PTPRB: variants seen among roughly 807,000 people sequenced by gnomAD.
PTPRB encodes the protein protein tyrosine phosphatase receptor type B, also known as receptor-type tyrosine-protein phosphatase beta.
In PTPRB, 97 loss-of-function variants were observed where a neutral mutation model predicts 238.1. The observed-to-expected ratio is 0.41, with a 90% CI of 0.35 to 0.48. PTPRB has a LOEUF of 0.48. Ranked by LOEUF, PTPRB falls within the 20% of genes least tolerant of loss-of-function variation. The pLI is 0.30. For synonymous variants in PTPRB, 970 were observed against 995.4 expected (o/e 0.97, Z 0.48); for missense variants, 2,292 against 2,681.9 (o/e 0.85, Z 3.21).
rs781443364 is a variant in PTPRB at position 70,636,055 on chromosome 12, T to G, written c.67A>C (p.Ile23Leu). The G allele has an allele frequency of 2.1e-5, 34 of 1,609,130 alleles. No homozygotes were observed. The highest frequency in any genetic ancestry group is 1.1e-5 in the Non-Finnish European group (13 of 1,177,148). The change falls in exon 2 of 34, where the codon ATT becomes CTT. Residue 23 changes from isoleucine to leucine, a missense_variant. Transcript: ENST00000334414. Reference protein sequence around the residue: ...LIFRNSEGFQIVHVQKQQCLF... With the variant: ...LIFRNSEGFQLVHVQKQQCLF... The stretch of plus-strand genomic sequence containing the variant: ...CACTGTTGTTTCTGGACATGGACAA[T>G]CTGAAACCCTTCTGGAAGATGAAAA...
intron 3 of PTPRB, among the ~76,000 whole-genome samples, chr12:70,613,348 G>A (rs1189106178): frequency 2.0e-5 from 3 of 151,868 alleles, no homozygotes; most frequent in East Asian, 1.9e-4. Context: ...TTCATTCAGC[G>A]AACACTGACT....
intron 2 of PTPRB, among the ~76,000 whole-genome samples, chr12:70,625,534 A>G (rs1211049353): frequency 2.6e-5 from 4 of 150,946 alleles, no homozygotes; most frequent in African/African-American, 9.8e-5. Context: ...CATTATAGAA[A>G]TATATAAGAT....
chr12:70,538,278 GT>G, intron 27 of PTPRB, 47 bp from the exon 28 acceptor site: 1 of 1,517,252 alleles, frequency 6.6e-7, no homozygotes, highest in Non-Finnish European at 9.1e-7. Context: ...CTTTTCTACA[GT>G]TTATGTGATG....
chr12:70,558,690 A>G (rs1216544301), intron 18 of PTPRB: 1 of 155,702 alleles, frequency 6.4e-6, no homozygotes, highest in Non-Finnish European at 1.4e-5. Flanking sequence ...TATTCTCTAC[A>G]CTGTACCCAG....
At position 70,518,513 on chromosome 12, in the gene PTPRB, A is replaced by AAT. The variant is rs1871363368; in HGVS notation, c.*2974_*2975dup. On this transcript the variant is annotated 3_prime_UTR_variant, in exon 34 of 34. Transcript: ENST00000334414. Reference sequence around the variant, plus strand: ...AATTATACTCATGGGTATAAAAGATAATATGAACAGTAGATAAAAATCACA... The same window carrying AAT: ...AATTATACTCATGGGTATAAAAGATAATATATGAACAGTAGATAAAAATCACA... 6.6e-6 allele frequency: 1 copy of AAT among 152,206 alleles called. No homozygotes were observed. The highest frequency in any genetic ancestry group is 1.9e-4 in the East Asian group (1 of 5,200). 9.4% of individuals were successfully genotyped at this position (152,206 alleles called of 1,614,324 possible). A position where few individuals can be genotyped will look rare whatever the true frequency, so the allele number is the denominator to read the frequency against.
intron 4 of PTPRB, among the ~76,000 whole-genome samples, chr12:70,607,596 G>T: frequency 6.7e-6 from 1 of 149,508 alleles, no homozygotes. Context: ...GCCCAGGCTG[G>T]AGTGCAGTGG....
At chr12:70,529,006 G>C (rs926502332) in intron 32 of PTPRB, among the ~76,000 whole-genome samples, 1 of 151,888 alleles carries the variant, frequency 6.6e-6, no homozygotes, top group Admixed American at 6.6e-5. Flanking sequence ...ACATGTATGC[G>C]GAGGCAGGAG....
chr12:70,566,547 GGTGGCTGGCTCTGAT>G lies in PTPRB; in HGVS notation c.3777_3791del (p.Ser1260_Thr1264del). On this transcript the variant is annotated inframe_deletion, in exon 15 of 34. Coordinates refer to ENST00000334414, the MANE Select transcript of PTPRB (RefSeq NM_001109754.4). ...GATCTTCAAATTTGTGTTGCTTAGTGGTGGCTGGCTCTGATGTGTTGCGCAGAAGGATTCCATTTT... is the reference window on the plus strand; with the variant it reads ...GATCTTCAAATTTGTGTTGCTTAGTGGTGTTGCGCAGAAGGATTCCATTTT... 6.2e-7 allele frequency: 1 copy of G among 1,613,974 alleles called. No homozygotes were observed. The highest frequency in any genetic ancestry group is 8.5e-7 in the Non-Finnish European group (1 of 1,179,886).
rs1565958989 is a variant in PTPRB, at chr12:70,571,216, A to C, written c.3180T>G (p.Ala1060=). The C allele has an allele frequency of 6.2e-7, 1 of 1,613,650 alleles. No homozygotes were observed. Among genetic ancestry groups the C allele is most frequent in the Non-Finnish European group, 8.5e-7 (1 of 1,179,558 alleles). The change falls in exon 13 of 34, where the codon GCT becomes GCG. Residue 1060 remains alanine, a synonymous_variant. Transcript: ENST00000334414. ...TEDLHVTWSG[A]NGDVDQYEIQ... is the part of the protein sequence containing the mutation. Reference sequence around the variant, plus strand: ...TCTCATATTGGTCGACATCCCCATTAGCTCCTGACCAAGTCACATGCAAGT... The same window carrying C: ...TCTCATATTGGTCGACATCCCCATTCGCTCCTGACCAAGTCACATGCAAGT...
At chr12:70,602,321 C>T (rs11178322) in intron 4 of PTPRB, among the ~76,000 whole-genome samples, 28,105 of 152,034 alleles carry the variant, frequency 0.18, 2,783 homozygotes, top group East Asian at 0.28. Flanking sequence ...CTAATGCACC[C>T]TCATCCCCAT....
At chr12:70,525,212 C>T (rs1872248696) in intron 32 of PTPRB, 2 of 152,116 alleles carry the variant, frequency 1.3e-5, no homozygotes, top group African/African-American at 4.8e-5. Flanking sequence ...AGAAATGGGG[C>T]CCTAGGGTTT....
At chr12:70,574,838 T>C (rs1880506682) in intron 11 of PTPRB, among the ~76,000 whole-genome samples, 1 of 152,214 alleles carries the variant, frequency 6.6e-6, no homozygotes, top group Non-Finnish European at 1.5e-5. Context: ...GAGGATGCAC[T>C]GAATAAAGAA....
At chr12:70,592,882 T>C (rs572401806) in intron 6 of PTPRB, among the ~76,000 whole-genome samples, 1 of 152,298 alleles carries the variant, frequency 6.6e-6, no homozygotes, top group South Asian at 2.1e-4. Context: ...CACTGAGCCT[T>C]ATGGTGTTTC....
intron 2 of PTPRB, among the ~76,000 whole-genome samples, chr12:70,634,755 T>C (rs548824807): frequency 1.3e-5 from 2 of 152,226 alleles, no homozygotes; most frequent in African/African-American, 4.8e-5. Flanking sequence ...TGCTAATTTA[T>C]CTGGGACAAT....
chr12:70,569,065 A>G (rs915086168), intron 14 of PTPRB, among the ~76,000 whole-genome samples: 5 of 152,044 alleles, frequency 3.3e-5, no homozygotes, highest in African/African-American at 1.2e-4. Context: ...AAAAATGCAT[A>G]ATTATGGAAG....
chr12:70,572,013 C>T lies in PTPRB; in HGVS notation c.2917G>A (p.Ala973Thr), dbSNP rs1179192844. 1 of 1,613,768 alleles carries T rather than the reference C, an allele frequency of 6.2e-7. No individual in the cohort carries two copies. Among genetic ancestry groups the T allele is most frequent in the Non-Finnish European group, 8.5e-7 (1 of 1,179,698 alleles). The change falls in exon 12 of 34, where the codon GCC (alanine) becomes ACC (threonine). Residue 973 changes from alanine (A) to threonine (T), a missense_variant. Ala to Thr is a moderately conservative substitution (Grantham distance 58). Coordinates refer to ENST00000334414, the MANE Select transcript of PTPRB (RefSeq NM_001109754.4). ...TCATAGTGATCAAAGTCTCCAGTGGCATGCACCCAGGATACCCTTAAATAG... is the reference window on the plus strand; with the variant it reads ...TCATAGTGATCAAAGTCTCCAGTGGTATGCACCCAGGATACCCTTAAATAG... ...SDYLRVSWVH[A>T]TGDFDHYEVT...
At chr12:70,562,752 T>C (rs1239274098) in intron 16 of PTPRB, 92 bp downstream of exon 16, 11 of 1,450,868 alleles carry the variant, frequency 7.6e-6, no homozygotes, top group Admixed American at 2.0e-5. Context: ...ACATCCTGAA[T>C]AGAATAGGAA....
At chr12:70,537,826 G>A (rs1874405813) in intron 28 of PTPRB, among the ~76,000 whole-genome samples, 1 of 152,172 alleles carries the variant, frequency 6.6e-6, no homozygotes, top group African/African-American at 2.4e-5. Context: ...AATAACATGG[G>A]ATCAGCTTCT....
At chr12:70,598,191 T>A (rs889790516) in intron 4 of PTPRB, among the ~76,000 whole-genome samples, 5 of 151,982 alleles carry the variant, frequency 3.3e-5, no homozygotes, top group Non-Finnish European at 7.4e-5. Context: ...TATTTGTAGC[T>A]GTGTGCTTTG....
Sources: allele counts gnomAD v4.1 joint callset (sites outside exome capture counted in the v4.1 genomes callset), GRCh38; gene constraint gnomAD v4.1.1; transcripts MANE v1.5; gene names NCBI Gene and HGNC (gene_info 2026-07-23, HGNC 2026-07-21).